SLIT1: variants seen among roughly 807,000 people sequenced by gnomAD.
The protein encoded by SLIT1 is slit homolog 1 protein.
A neutral mutation model predicts 186.1 loss-of-function variants in SLIT1; 66 were observed. The observed-to-expected ratio is 0.35, with a 90% CI of 0.29 to 0.44. The LOEUF is 0.44. SLIT1 is among the 20% of genes least tolerant of loss of function. SLIT1 has a pLI of 1.00. For missense variants in SLIT1, 1,638 were observed against 2,037.4 expected (o/e 0.80, Z 3.77); for synonymous variants, 761 against 833.8 (o/e 0.91, Z 1.50).
intron 28 of SLIT1, 54 bp downstream of exon 28, chr10:97,018,532 C>A: frequency 8.8e-7 from 1 of 1,142,496 alleles, no homozygotes. Flanking sequence ...CCCTGAGGCA[C>A]AGGTGCTGGG....
At position 97,040,004 on chromosome 10, in the gene SLIT1, T is replaced by C; in HGVS notation, c.2281A>G (p.Lys761Glu). The change falls in exon 21 of 37, where the codon AAG becomes GAG. Residue 761 changes from lysine (K) to glutamate (E), a missense_variant. This residue lies in a region of SLIT1 where 1,245 missense variants were observed against 1,535.3 expected (regional missense o/e 0.81). Transcript: ENST00000266058. The part of the protein sequence containing the change: ...HLRALPKGIP[K>E]NVTELYLDGN... ...GCTACTCACAGTTCTGTGACATTCT[T>C]GGGAATGCCCTTGGGCAGGGCCCGC... The C allele has an allele frequency of 6.2e-7, 1 of 1,613,738 alleles. No homozygotes were observed. The highest frequency in any genetic ancestry group is 2.2e-5 in the East Asian group (1 of 44,814).
chr10:97,121,972 A>G (rs1849563638), intron 4 of SLIT1, among the ~76,000 whole-genome samples: 1 of 152,248 alleles, frequency 6.6e-6, no homozygotes, highest in Non-Finnish European at 1.5e-5. Flanking sequence ...CACAGGAATT[A>G]ACAAACACAT....
In SLIT1 at chr10:97,043,593, C is replaced by T. The variant is rs902249705; in HGVS notation, c.1854-80G>A. On this transcript the variant is annotated intron_variant, in intron 18 of 36. Transcript: ENST00000266058. The surrounding 1 kb of genome is among the most constrained non-coding windows in gnomAD (Gnocchi z 7.0). The stretch of plus-strand genomic sequence containing the variant: ...ACCTGGGCCACGCAGCTTCCGCCAT[C>T]GTGGCTCGTTCACAGTTCTCCTCCA... The T allele has an allele frequency of 5.9e-6, 8 of 1,358,300 alleles. No individual in the cohort carries two copies. The South Asian group carries it at 6.5e-5, about 11-fold the overall frequency. 84.1% of individuals were successfully genotyped at this position (1,358,300 alleles called of 1,614,324 possible).
chr10:97,064,350 G>C, intron 6 of SLIT1, 111 bp from the exon 7 acceptor site: 1 of 850,606 alleles, frequency 1.2e-6, no homozygotes. Flanking sequence ...TGACCAGCAC[G>C]GGGCTGGACA....
chr10:97,059,690 T>C lies in SLIT1; in HGVS notation c.1014-159A>G, dbSNP rs1238152774. ...ATCTCTCCTCCATTTGAAAAGCCCA[T>C]GGCCGCTATTTCCCTGTGCAGTCTG... On this transcript the variant is annotated intron_variant, in intron 10 of 36. Coordinates refer to ENST00000266058, the MANE Select transcript of SLIT1 (RefSeq NM_003061.3). 1.2e-5 allele frequency: 8 copies of C among 669,580 alleles called. 1 individual carries two copies. The highest frequency in any genetic ancestry group is 1.0e-4 in the South Asian group (6 of 60,202). 41.5% of individuals were successfully genotyped at this position (669,580 alleles called of 1,614,324 possible). A position where few individuals can be genotyped will look rare whatever the true frequency, so the allele number is the denominator to read the frequency against.
intron 25 of SLIT1, among the ~76,000 whole-genome samples, chr10:97,029,473 A>G (rs1372840552): frequency 6.6e-6 from 1 of 152,194 alleles, no homozygotes; most frequent in Non-Finnish European, 1.5e-5. Flanking sequence ...GGCAGAGTCC[A>G]CGTGGCCACA....
chr10:97,123,077 A>G (rs1849573938), intron 4 of SLIT1, among the ~76,000 whole-genome samples: 1 of 152,196 alleles, frequency 6.6e-6, no homozygotes, highest in Admixed American at 6.5e-5. Flanking sequence ...TATCCCCAAA[A>G]CAGAGATGCT....
At chr10:97,099,549 C>A (rs1175051331) in intron 4 of SLIT1, among the ~76,000 whole-genome samples, 2 of 152,238 alleles carry the variant, frequency 1.3e-5, no homozygotes, top group African/African-American at 2.4e-5. Flanking sequence ...CTGGCTGCTG[C>A]TGGCTCACCT....
rs550488562 is a variant in SLIT1 at position 97,027,174 on chromosome 10, G to A, written c.2582+3583C>T. Among the ~76,000 whole-genome samples, 5 of 152,330 alleles carry A rather than the reference G, an allele frequency of 3.3e-5. No homozygotes were observed. In the East Asian group the frequency reaches 7.7e-4, roughly 24 times the overall value. On this transcript the variant is annotated intron_variant, in intron 25 of 36. Coordinates refer to ENST00000266058, the MANE Select transcript of SLIT1 (RefSeq NM_003061.3). Reference sequence around the variant, plus strand: ...CTCGATTGTCACTTGTCATAGAGCCGTGTGCGAGGGCCTCCCTTCAAATTG... The same window carrying A: ...CTCGATTGTCACTTGTCATAGAGCCATGTGCGAGGGCCTCCCTTCAAATTG...
At chr10:97,065,196 G>T (rs1848933877) in intron 5 of SLIT1, among the ~76,000 whole-genome samples, 1 of 152,092 alleles carries the variant, frequency 6.6e-6, no homozygotes, top group Non-Finnish European at 1.5e-5. Context: ...AGTGGGTGCT[G>T]GCAGCTGGAA....
chr10:97,104,080 A>G (rs1000533969), intron 4 of SLIT1, among the ~76,000 whole-genome samples: 1 of 151,986 alleles, frequency 6.6e-6, no homozygotes, highest in Non-Finnish European at 1.5e-5. Flanking sequence ...GGAGGTGAGT[A>G]CTACAGAGAA....
chr10:97,043,505 C>G lies in SLIT1; in HGVS notation c.1862G>C (p.Arg621Pro), dbSNP rs756326446. 2 of 1,613,416 alleles carry G rather than the reference C, an allele frequency of 1.2e-6. No individual in the cohort carries two copies. The highest frequency in any genetic ancestry group is 1.7e-6 in the Non-Finnish European group (2 of 1,179,924). Residue 621 changes from arginine (R) to proline (P), a missense_variant, in exon 19 of 37, where the codon CGG (arginine) becomes CCG (proline). Arg to Pro is a moderately radical substitution (Grantham distance 103). Coordinates refer to ENST00000266058, the MANE Select transcript of SLIT1 (RefSeq NM_003061.3). This position sits in a 1 kb window ranked among gnomAD's most constrained non-coding sequence, Gnocchi z 7.0. ...GTGGATGCAGCTGATGCGGTTGTTC[C>G]GCAGCATTCTGGGGAGGAACGGGGG... is the stretch of plus-strand genomic sequence containing the variant. The part of the protein sequence containing the change: ...GLDGLRTLML[R>P]NNRISCIHND...
At chr10:97,007,563 C>G (rs1442247114) in intron 31 of SLIT1, among the ~76,000 whole-genome samples, 1 of 152,040 alleles carries the variant, frequency 6.6e-6, no homozygotes, top group Non-Finnish European at 1.5e-5. Flanking sequence ...ACTAGCTAAT[C>G]AAGTACAGCA....
Position 96,998,263 on chromosome 10 carries a change from A to T in SLIT1, c.*2849T>A, listed in dbSNP as rs1293461071. 1 of 152,254 alleles carries T rather than the reference A, an allele frequency of 6.6e-6. No homozygotes were observed. Among genetic ancestry groups the T allele is most frequent in the East Asian group, 1.9e-4 (1 of 5,198 alleles). The allele number at this position is 152,254 out of a possible 1,614,324, so 9.4% of individuals were successfully genotyped here. ...CGCTGGATGTTGACTTTAACATATA[A>T]AAATACTGTAACAAAATGAAATACA... On this transcript the variant is annotated 3_prime_UTR_variant, in exon 37 of 37. Transcript: ENST00000266058.
In SLIT1 at chr10:97,080,125, A is replaced by G. The variant is rs112835762; in HGVS notation, c.414-14039T>C. On this transcript the variant is annotated intron_variant, in intron 4 of 36. Coordinates refer to ENST00000266058, the MANE Select transcript of SLIT1 (RefSeq NM_003061.3). ...GCAAAGCCCTTTGCATCTGCTACCA[A>G]TGGGCCCCGGGCTTCTCACAGCCTA... Among the ~76,000 whole-genome samples the G allele has an allele frequency of 3.3e-3, 510 of 152,338 alleles. 3 individuals are homozygous for G. Among genetic ancestry groups the G allele is most frequent in the African/African-American group, 0.011 (477 of 41,580 alleles).
At position 97,018,695 on chromosome 10, in the gene SLIT1, G is replaced by T. The variant is rs1161477160; in HGVS notation, c.2872-12C>A. The T allele has an allele frequency of 6.5e-7, 1 of 1,548,208 alleles. No homozygotes were observed. Among genetic ancestry groups the T allele is most frequent in the Admixed American group, 1.9e-5 (1 of 53,002 alleles). On this transcript the variant is annotated splice_polypyrimidine_tract_variant and intron_variant, in intron 27 of 36. Coordinates refer to ENST00000266058, the MANE Select transcript of SLIT1 (RefSeq NM_003061.3). Reference sequence around the variant, plus strand: ...TCACAGTCTCGACCCTGGGGGGAAAGTCAGTGATGGGGACCCCAGGGAGAC... The same window carrying T: ...TCACAGTCTCGACCCTGGGGGGAAATTCAGTGATGGGGACCCCAGGGAGAC...
At chr10:97,149,048 C>A (rs1019679267) in intron 4 of SLIT1, among the ~76,000 whole-genome samples, 1 of 152,252 alleles carries the variant, frequency 6.6e-6, no homozygotes, top group East Asian at 1.9e-4. Flanking sequence ...CTCGCCACCC[C>A]CCCGTGGCCC....
At chr10:97,112,995 T>G (rs1325737914) in intron 4 of SLIT1, among the ~76,000 whole-genome samples, 1 of 151,808 alleles carries the variant, frequency 6.6e-6, no homozygotes, top group Non-Finnish European at 1.5e-5. Flanking sequence ...CGTCCAGTTA[T>G]TAAATGTTTT....
intron 4 of SLIT1, among the ~76,000 whole-genome samples, chr10:97,146,805 C>T (rs907541880): frequency 2.0e-5 from 3 of 152,122 alleles, no homozygotes; most frequent in Admixed American, 1.3e-4. Flanking sequence ...TTTCAGCCTT[C>T]GGACAGTGTC....
Sources: allele counts gnomAD v4.1 joint callset (sites outside exome capture counted in the v4.1 genomes callset), GRCh38; gene constraint gnomAD v4.1.1; regional missense constraint gnomAD v4.1.1; non-coding constraint Gnocchi (gnomAD v3.1); transcripts MANE v1.5; gene names NCBI Gene and HGNC (gene_info 2026-07-23, HGNC 2026-07-21).